The following PIEZO2 variants were observed in gnomAD, a reference collection of about 807,000 sequenced individuals.
PIEZO2 encodes the protein piezo type mechanosensitive ion channel component 2.
In PIEZO2, 172 loss-of-function variants were observed where a neutral mutation model predicts 337.3. The observed-to-expected ratio is 0.51, with a 90% CI of 0.45 to 0.58. The LOEUF (loss-of-function observed/expected upper bound fraction) is 0.58, where lower values mean the gene tolerates loss of function less well. Among genes scored for constraint, PIEZO2 ranks in the 20% least tolerant of loss-of-function variants. PIEZO2 has a pLI of 0.00. For synonymous variants in PIEZO2, 1,251 were observed against 1,228.5 expected (o/e 1.02, Z -0.38); for missense variants, 3,028 against 3,391.3 (o/e 0.89, Z 2.66).
rs1174054430 is a variant in PIEZO2, at chr18:10,819,407, C to G, written c.918-12133G>C. Among the ~76,000 whole-genome samples the G allele has an allele frequency of 6.6e-6, 1 of 152,090 alleles. No individual in the cohort carries two copies. Among genetic ancestry groups the G allele is most frequent in the Admixed American group, 6.5e-5 (1 of 15,272 alleles). On this transcript the variant is annotated intron_variant, in intron 7 of 55. Coordinates refer to ENST00000674853, the MANE Select transcript of PIEZO2 (RefSeq NM_001378183.1). This position sits in a 1 kb window ranked among gnomAD's most constrained non-coding sequence, Gnocchi z 4.3. ...AAAAAGAATTAAAGATTTTAGATTA[C>G]AGTTATTAATCAATGGAAAGAATAA...
rs2146318565 is a variant in PIEZO2 at position 11,149,350 on chromosome 18, C to G, written c.-762G>C. On this transcript the variant is annotated 5_prime_UTR_variant, in exon 1 of 56. Coordinates refer to ENST00000674853, the MANE Select transcript of PIEZO2 (RefSeq NM_001378183.1). This position sits in a 1 kb window ranked among gnomAD's most constrained non-coding sequence, Gnocchi z 8.7. ...CGCGGGCGGCGCTGCGAGTCCCTCC[C>G]TCACTCGAAGGAACGGCGCGAGCGT... Among the ~76,000 whole-genome samples the G allele has an allele frequency of 6.6e-6, 1 of 152,208 alleles. No homozygotes were observed. Among genetic ancestry groups the G allele is most frequent in the African/African-American group, 2.4e-5 (1 of 41,556 alleles).
At chr18:11,066,549 G>A (rs926583123) in intron 1 of PIEZO2, among the ~76,000 whole-genome samples, 2 of 152,170 alleles carry the variant, frequency 1.3e-5, no homozygotes, top group African/African-American at 4.8e-5. Flanking sequence ...GATGTAAATT[G>A]TGACACCAAA....
At chr18:10,744,846 A>G (rs997639395) in intron 30 of PIEZO2, among the ~76,000 whole-genome samples, 10 of 152,156 alleles carry the variant, frequency 6.6e-5, no homozygotes, top group Admixed American at 6.5e-4. Flanking sequence ...ACACTGTTAC[A>G]TGCTTCACAA....
At chr18:10,733,858 T>C (rs1271523488) in intron 35 of PIEZO2, among the ~76,000 whole-genome samples, 1 of 152,174 alleles carries the variant, frequency 6.6e-6, no homozygotes, top group Non-Finnish European at 1.5e-5. Context: ...TACATGGAAA[T>C]TTACATGAAA....
intron 39 of PIEZO2, among the ~76,000 whole-genome samples, chr18:10,714,483 T>A (rs1162437238): frequency 6.6e-6 from 1 of 152,112 alleles, no homozygotes; most frequent in Non-Finnish European, 1.5e-5. Context: ...TTGGGAGGGA[T>A]CATTCTTCCT....
At position 11,032,792 on chromosome 18, in the gene PIEZO2, G is replaced by A. The variant is rs927337562; in HGVS notation, c.160+33335C>T. Among the ~76,000 whole-genome samples, 1 of 152,180 alleles carries A rather than the reference G, an allele frequency of 6.6e-6. No homozygotes were observed. The highest frequency in any genetic ancestry group is 2.4e-5 in the African/African-American group (1 of 41,426). On this transcript the variant is annotated intron_variant, in intron 2 of 55. Transcript: ENST00000674853. This position sits in a 1 kb window ranked among gnomAD's most constrained non-coding sequence, Gnocchi z 4.9. Reference sequence around the variant, plus strand: ...TGTTTCCCAACAACTGCCCTTAAAAGCTTTTGAAGTCAGATCGATAAGAAC... The same window carrying A: ...TGTTTCCCAACAACTGCCCTTAAAAACTTTTGAAGTCAGATCGATAAGAAC...
In PIEZO2 at chr18:11,002,885, G is replaced by A. The variant is rs943640437; in HGVS notation, c.161-23225C>T. ...CCATGGGCAGGTTCAGCAGAGAACA[G>A]ACCAATAGAAACATCCAATGGGGAT... On this transcript the variant is annotated intron_variant, in intron 2 of 55. Coordinates refer to ENST00000674853, the MANE Select transcript of PIEZO2 (RefSeq NM_001378183.1). This position sits in a 1 kb window ranked among gnomAD's most constrained non-coding sequence, Gnocchi z 4.3. 9.9e-5 allele frequency among the ~76,000 whole-genome samples: 15 copies of A among 152,196 alleles called. No individual in the cohort carries two copies. The highest frequency in any genetic ancestry group is 2.4e-4 in the African/African-American group (10 of 41,440).
chr18:11,147,553 T>C lies in PIEZO2; in HGVS notation c.64+972A>G, dbSNP rs373213363. Among the ~76,000 whole-genome samples, 7 of 152,256 alleles carry C rather than the reference T, an allele frequency of 4.6e-5. No homozygotes were observed. In the East Asian group the frequency reaches 5.8e-4, roughly 13 times the overall value. ...GTCAAGATGCAAAAAGGTGGCCTTT[T>C]CTGCGAAGGCCACGCCCTCTGTAAA... On this transcript the variant is annotated intron_variant, in intron 1 of 55. Transcript: ENST00000674853.
chr18:10,864,228 A>ATC (rs2041949147), intron 5 of PIEZO2, among the ~76,000 whole-genome samples: 1 of 152,150 alleles, frequency 6.6e-6, no homozygotes, highest in South Asian at 2.1e-4. Flanking sequence ...TGTCTCCTCC[A>ATC]TCTATCCCTC....
rs1335130594 is a variant in PIEZO2, at chr18:10,795,045, T to C, written c.1528-43A>G. 1 of 1,450,696 alleles carries C rather than the reference T, an allele frequency of 6.9e-7. No individual in the cohort carries two copies. Among genetic ancestry groups the C allele is most frequent in the South Asian group, 1.2e-5 (1 of 82,040 alleles). 89.9% of individuals were successfully genotyped at this position (1,450,696 alleles called of 1,614,324 possible). On this transcript the variant is annotated intron_variant, in intron 12 of 55. Coordinates refer to ENST00000674853, the MANE Select transcript of PIEZO2 (RefSeq NM_001378183.1). This position sits in a 1 kb window ranked among gnomAD's most constrained non-coding sequence, Gnocchi z 4.4. Reference sequence around the variant, plus strand: ...GGAAACACGACCATGGTCAATACAATGCTCAGTCCCCCCCGCCCTGGTAAG... The same window carrying C: ...GGAAACACGACCATGGTCAATACAACGCTCAGTCCCCCCCGCCCTGGTAAG...
chr18:10,740,842 G>A (rs1479891523), intron 33 of PIEZO2, 189 bp downstream of exon 33: 1 of 707,608 alleles, frequency 1.4e-6, no homozygotes, highest in African/African-American at 1.7e-5. Flanking sequence ...CTGTGCTGAT[G>A]TCTCTGGAAG....
chr18:10,799,548 G>C (rs2039728705), intron 11 of PIEZO2, among the ~76,000 whole-genome samples: 1 of 152,118 alleles, frequency 6.6e-6, no homozygotes, highest in Admixed American at 6.5e-5. Context: ...TCAGCCCCAA[G>C]TCACCAATTT....
rs1308973866 is a variant in PIEZO2, at chr18:11,146,787, C to T, written c.64+1738G>A. 2.6e-5 allele frequency among the ~76,000 whole-genome samples: 4 copies of T among 152,180 alleles called. No homozygotes were observed. The highest frequency in any genetic ancestry group is 5.9e-5 in the Non-Finnish European group (4 of 68,036). The stretch of plus-strand genomic sequence containing the variant: ...CAGGGAACCACATGCCTAACTCTTC[C>T]AACAGTCACAGTGAGCTGCTGTCCC... On this transcript the variant is annotated intron_variant, in intron 1 of 55. Coordinates refer to ENST00000674853, the MANE Select transcript of PIEZO2 (RefSeq NM_001378183.1). This position sits in a 1 kb window ranked among gnomAD's most constrained non-coding sequence, Gnocchi z 6.1.
Position 11,143,603 on chromosome 18 carries a change from ACAC to A in PIEZO2, c.64+4919_64+4921del, listed in dbSNP as rs1359160548. On this transcript the variant is annotated intron_variant, in intron 1 of 55. Transcript: ENST00000674853. This position sits in a 1 kb window ranked among gnomAD's most constrained non-coding sequence, Gnocchi z 4.9. ...ATCCTGAGAACTAAAAATCTCTAAC[ACAC>A]ACACACACACACACACACACACACA... Among the ~76,000 whole-genome samples the A allele has an allele frequency of 4.5e-5, 1 of 22,206 alleles. No individual in the cohort carries two copies. Among genetic ancestry groups the A allele is most frequent in the African/African-American group, 7.8e-5 (1 of 12,800 alleles). The allele number at this position is 22,206 out of a possible 152,430, so 14.6% of individuals were successfully genotyped here.
rs1316347494 is a variant in PIEZO2, at chr18:10,861,168, TG to T, written c.493-3958del. On this transcript the variant is annotated intron_variant, in intron 5 of 55. Coordinates refer to ENST00000674853, the MANE Select transcript of PIEZO2 (RefSeq NM_001378183.1). The surrounding 1 kb of genome is among the most constrained non-coding windows in gnomAD (Gnocchi z 4.3). ...TCGCATGTTTACTAACAGGCAGTCT[TG>T]CTTGCTGGAGCTGTAAGCTGTCCCT... is the stretch of plus-strand genomic sequence containing the variant. Among the ~76,000 whole-genome samples the T allele has an allele frequency of 2.0e-5, 3 of 152,224 alleles. No individual in the cohort carries two copies. The highest frequency in any genetic ancestry group is 4.4e-5 in the Non-Finnish European group (3 of 68,034).
chr18:10,693,387 T>TGTGTGTGTGTGTGTGTGA (rs2034941469), intron 47 of PIEZO2, among the ~76,000 whole-genome samples: 1 of 151,436 alleles, frequency 6.6e-6, no homozygotes, highest in Admixed American at 6.6e-5. Context: ...TGTGTGTGTG[T>TGTGTGTGTGTGTGTGTGA]GATGGAGTCT....
intron 35 of PIEZO2, among the ~76,000 whole-genome samples, chr18:10,732,350 T>C (rs1263784334): frequency 6.6e-6 from 1 of 152,242 alleles, no homozygotes; most frequent in Non-Finnish European, 1.5e-5. Context: ...GGGTTTTTCA[T>C]TATGATGATA....
In PIEZO2 at chr18:10,916,727, C is replaced by T. The variant is rs186820625; in HGVS notation, c.287-5499G>A. On this transcript the variant is annotated intron_variant, in intron 3 of 55. Transcript: ENST00000674853. ...CCTCGGCCAGCCCAGAGACGCGCTCCCATAGTGCAGCAGCGGGCTGAAGGG... is the reference window on the plus strand; with the variant it reads ...CCTCGGCCAGCCCAGAGACGCGCTCTCATAGTGCAGCAGCGGGCTGAAGGG... Among the ~76,000 whole-genome samples, 88 of 152,306 alleles carry T rather than the reference C, an allele frequency of 5.8e-4. 1 individual carries two copies. In the East Asian group the frequency reaches 0.015, roughly 26 times the overall value.
intron 38 of PIEZO2, 116 bp from the exon 39 acceptor site, chr18:10,715,046 G>T: frequency 9.6e-7 from 1 of 1,039,198 alleles, no homozygotes; most frequent in Non-Finnish European, 1.4e-6. Context: ...TAAGGATTAG[G>T]ACCATGCTAG....
Sources: allele counts gnomAD v4.1 joint callset (sites outside exome capture counted in the v4.1 genomes callset), GRCh38; gene constraint gnomAD v4.1.1; non-coding constraint Gnocchi (gnomAD v3.1); transcripts MANE v1.5; gene names NCBI Gene and HGNC (gene_info 2026-07-23, HGNC 2026-07-21).